Variants in MCUB observed in about 807,000 individuals in gnomAD.
The protein encoded by MCUB is mitochondrial calcium uniporter dominant negative subunit beta.
A neutral mutation model predicts 41.4 loss-of-function variants in MCUB; 46 were observed. The ratio of observed to expected loss-of-function variants is 1.11; its 90% confidence interval spans 0.88 to 1.42. The LOEUF (loss-of-function observed/expected upper bound fraction) is 1.42, where lower values mean the gene tolerates loss of function less well. Among genes scored for constraint, MCUB ranks in the 40% most tolerant of loss-of-function variants. The pLI is 0.00. For synonymous variants in MCUB, 148 were observed against 148.2 expected, an observed-to-expected ratio of 1.00 and a Z score of 0.01; for missense variants, 403 against 404.9, an observed-to-expected ratio of 1.00 and a Z score of 0.04.
chr4:109,571,282 C>CA (rs1726908124), intron 1 of MCUB, among the ~76,000 whole-genome samples: 2 of 151,566 alleles, frequency 1.3e-5, no homozygotes, highest in Non-Finnish European at 2.9e-5. Context: ...GCTGCTGAAA[C>CA]AAAAAAACCT....
chr4:109,594,779 CT>C lies in MCUB; in HGVS notation c.99+34356del, dbSNP rs566721839. 5.2e-3 allele frequency among the ~76,000 whole-genome samples: 748 copies of C among 143,392 alleles called. 6 individuals carry two copies. Among genetic ancestry groups the C allele is most frequent in the East Asian group, 0.015 (73 of 4,972 alleles). 94.1% of individuals were successfully genotyped at this position (143,392 alleles called of 152,430 possible). A position where few individuals can be genotyped will look rare whatever the true frequency, so the allele number is the denominator to read the frequency against. ...AGAGGCCTCCGGAAAAATTCTCTTT[CT>C]TTTTTTTTTTTTAAGGAGAGATGTA... On this transcript the variant is annotated intron_variant, in intron 1 of 7. Transcript: ENST00000394650.
At chr4:109,626,821 CAAAAAAAAAAAAAAA>C (rs58560479) in intron 1 of MCUB, among the ~76,000 whole-genome samples, 1 of 81,588 alleles carries the variant, frequency 1.2e-5, no homozygotes, top group Non-Finnish European at 2.3e-5. Context: ...GAGTCCGACT[CAAAAAAAAAAAAAAA>C]AAAAAAAAAG....
intron 1 of MCUB, among the ~76,000 whole-genome samples, chr4:109,581,181 G>T (rs991239109): frequency 7.2e-5 from 11 of 152,214 alleles, no homozygotes; most frequent in African/African-American, 2.6e-4. Flanking sequence ...CCAAAACAGA[G>T]ATATATAGAC....
chr4:109,677,802 A>ATTTTTTTTTTTTTTTTTTTT (rs71595506), intron 4 of MCUB, among the ~76,000 whole-genome samples: 2 of 86,606 alleles, frequency 2.3e-5, no homozygotes, highest in African/African-American at 4.7e-5. Flanking sequence ...AAGGAAACAA[A>ATTTTTTTTTTTTTTTTTTTT]TTTTTTTTTT....
chr4:109,619,462 C>A (rs889148272), intron 1 of MCUB, among the ~76,000 whole-genome samples: 8 of 152,110 alleles, frequency 5.3e-5, no homozygotes, highest in Non-Finnish European at 8.8e-5. Flanking sequence ...AATCCCAGCA[C>A]TTTGGGAGGT....
chr4:109,651,549 T>C (rs992888455), intron 1 of MCUB, among the ~76,000 whole-genome samples: 17 of 152,218 alleles, frequency 1.1e-4, no homozygotes, highest in African/African-American at 2.4e-4. Context: ...AACATAAATA[T>C]GTAAAATTTA....
chr4:109,599,422 A>T (rs868201843), intron 1 of MCUB, among the ~76,000 whole-genome samples: 1 of 151,914 alleles, frequency 6.6e-6, no homozygotes, highest in Non-Finnish European at 1.5e-5. Context: ...CTGAATCTAA[A>T]TTTTTTTCAG....
intron 1 of MCUB, among the ~76,000 whole-genome samples, chr4:109,589,554 C>T (rs1440847427): frequency 1.3e-5 from 2 of 152,144 alleles, no homozygotes; most frequent in Non-Finnish European, 2.9e-5. Flanking sequence ...TGCCATCCTC[C>T]GTGCTGGGAT....
chr4:109,656,132 C>T (rs934866277), intron 1 of MCUB, among the ~76,000 whole-genome samples: 2 of 152,016 alleles, frequency 1.3e-5, no homozygotes, highest in East Asian at 3.9e-4. Flanking sequence ...TATATTGCCT[C>T]CAACTGGATT....
In MCUB at chr4:109,607,927, C is replaced by CAT. The variant is rs1561225933; in HGVS notation, c.99+47491_99+47492insAT. Among the ~76,000 whole-genome samples, 4 of 152,176 alleles carry CAT rather than the reference C, an allele frequency of 2.6e-5. No individual in the cohort carries two copies. In the East Asian group the frequency reaches 7.7e-4, roughly 29 times the overall value. On this transcript the variant is annotated intron_variant, in intron 1 of 7. Transcript: ENST00000394650. ...ACTTTCTTGTATTTGAATATTGTTA[C>CAT]CTTTTCCTAGGTTTGGGAAGTTCTC...
chr4:109,574,477 T>TAGGAG (rs1726984129), intron 1 of MCUB, among the ~76,000 whole-genome samples: 1 of 152,136 alleles, frequency 6.6e-6, no homozygotes. Context: ...GGAGAAGCCA[T>TAGGAG]CTATATCTAT....
At chr4:109,606,757 T>G (rs1206776973) in intron 1 of MCUB, among the ~76,000 whole-genome samples, 1 of 151,196 alleles carries the variant, frequency 6.6e-6, no homozygotes, top group African/African-American at 2.4e-5. Context: ...TTCTTTTTTG[T>G]GTGTGTGAAA....
chr4:109,641,399 C>T (rs1195626297), intron 1 of MCUB, among the ~76,000 whole-genome samples: 5 of 152,052 alleles, frequency 3.3e-5, no homozygotes, highest in South Asian at 2.1e-4. Context: ...TCACCGCACC[C>T]GGCCTAACAC....
At chr4:109,597,177 C>T (rs1462088383) in intron 1 of MCUB, among the ~76,000 whole-genome samples, 4 of 152,082 alleles carry the variant, frequency 2.6e-5, no homozygotes, top group Non-Finnish European at 5.9e-5. Flanking sequence ...AATCTTTTCC[C>T]CACCTTTCCC....
rs575981919 is a variant in MCUB, at chr4:109,638,134, T to A, written c.100-20877T>A. 2.6e-5 allele frequency among the ~76,000 whole-genome samples: 4 copies of A among 152,318 alleles called. No individual in the cohort carries two copies. In the South Asian group the frequency reaches 6.2e-4, roughly 24 times the overall value. On this transcript the variant is annotated intron_variant, in intron 1 of 7. Transcript: ENST00000394650. ...ACTTTGGGAGGCCAAGGCAAGAGGA[T>A]CACTTTAGCCCAGGAGTTTGAGACA...
At chr4:109,673,816 T>A (rs1235070943) in intron 4 of MCUB, 1 of 712,110 alleles carries the variant, frequency 1.4e-6, no homozygotes, top group South Asian at 1.6e-5. Context: ...GTTTTTTCGC[T>A]CTAGGGAGAT....
At chr4:109,575,754 G>A (rs1434148817) in intron 1 of MCUB, among the ~76,000 whole-genome samples, 1 of 152,096 alleles carries the variant, frequency 6.6e-6, no homozygotes, top group African/African-American at 2.4e-5. Flanking sequence ...TTTATGTAAG[G>A]CTATTAGACA....
chr4:109,658,443 A>G (rs991315208), intron 1 of MCUB, among the ~76,000 whole-genome samples: 2 of 152,008 alleles, frequency 1.3e-5, no homozygotes, highest in Admixed American at 6.6e-5. Flanking sequence ...GATTACAGGC[A>G]TGTGCCACCA....
chr4:109,636,076 C>T (rs1383232829), intron 1 of MCUB, among the ~76,000 whole-genome samples: 1 of 152,196 alleles, frequency 6.6e-6, no homozygotes, highest in Non-Finnish European at 1.5e-5. Flanking sequence ...GACTTAGTCT[C>T]AATCTAATTC....
Sources: allele counts gnomAD v4.1 joint callset (sites outside exome capture counted in the v4.1 genomes callset), GRCh38; gene constraint gnomAD v4.1.1; transcripts MANE v1.5; gene names NCBI Gene and HGNC (gene_info 2026-07-23, HGNC 2026-07-21).